The following JAZF1 variants were observed in gnomAD, a reference collection of about 807,000 sequenced individuals.
The protein encoded by JAZF1 is JAZF zinc finger 1.
Under a neutral mutation model 26.4 loss-of-function variants are expected in JAZF1, and 8 were observed. The observed-to-expected ratio is 0.30, with a 90% CI of 0.18 to 0.55. The LOEUF (loss-of-function observed/expected upper bound fraction) is 0.55, where lower values mean the gene tolerates loss of function less well. Ranked by LOEUF, JAZF1 falls within the 20% of genes least tolerant of loss-of-function variation. JAZF1 has a pLI of 0.94. For synonymous variants in JAZF1, 126 were observed against 122.3 expected (o/e 1.03, Z -0.20); for missense variants, 199 against 322.0 (o/e 0.62, Z 2.92).
At chr7:28,166,683 T>C (rs1783373275) in intron 1 of JAZF1, among the ~76,000 whole-genome samples, 1 of 152,244 alleles carries the variant, frequency 6.6e-6, no homozygotes, top group Non-Finnish European at 1.5e-5. Flanking sequence ...AACATGGAAG[T>C]ATTTTTCTAA....
intron 1 of JAZF1, among the ~76,000 whole-genome samples, chr7:28,110,527 AAAAGG>A (rs1217081366): frequency 0.034 from 2,245 of 65,982 alleles, 102 homozygotes; most frequent in South Asian, 0.08. Flanking sequence ...AAGGAAAAGG[AAAAGG>A]AAAGGAAAAG....
intron 1 of JAZF1, among the ~76,000 whole-genome samples, chr7:28,036,117 T>C (rs779229792): frequency 6.6e-6 from 1 of 152,210 alleles, no homozygotes; most frequent in Non-Finnish European, 1.5e-5. Context: ...TTCTTTGTCT[T>C]GATGCACTAA....
chr7:27,869,819 C>G (rs1459692298), intron 3 of JAZF1, among the ~76,000 whole-genome samples: 1 of 152,210 alleles, frequency 6.6e-6, no homozygotes, highest in Non-Finnish European at 1.5e-5. Context: ...GGCTGACTTT[C>G]TGTGCAAAGT....
intron 2 of JAZF1, among the ~76,000 whole-genome samples, chr7:27,900,739 TA>T (rs1390182290): frequency 3.9e-5 from 6 of 152,206 alleles, no homozygotes; most frequent in African/African-American, 1.4e-4. Flanking sequence ...TATATCTCAG[TA>T]AAGAACATTT....
intron 1 of JAZF1, among the ~76,000 whole-genome samples, chr7:28,112,330 C>T (rs1452917334): frequency 6.6e-6 from 1 of 152,188 alleles, no homozygotes; most frequent in Non-Finnish European, 1.5e-5. Flanking sequence ...ATTATTCAAA[C>T]CAGATGCTGA....
chr7:28,128,899 T>A (rs1372368687), intron 1 of JAZF1, among the ~76,000 whole-genome samples: 1 of 152,190 alleles, frequency 6.6e-6, no homozygotes, highest in African/African-American at 2.4e-5. Context: ...CACAAGATGC[T>A]GATTTAGTGA....
At chr7:27,834,029 A>T (rs1782759259) in intron 4 of JAZF1, among the ~76,000 whole-genome samples, 1 of 152,192 alleles carries the variant, frequency 6.6e-6, no homozygotes, top group Non-Finnish European at 1.5e-5. Flanking sequence ...AGATTTTAGG[A>T]GAGTGAGCTG....
intron 3 of JAZF1, among the ~76,000 whole-genome samples, chr7:27,847,006 G>T (rs1277894728): frequency 6.6e-6 from 1 of 151,958 alleles, no homozygotes; most frequent in Non-Finnish European, 1.5e-5. Flanking sequence ...TTTCACTCTT[G>T]TTGCCCAGGC....
rs146641094 is a variant in JAZF1 at position 28,137,813 on chromosome 7, G to A, written c.115+42650C>T. On this transcript the variant is annotated intron_variant, in intron 1 of 4. Transcript: ENST00000283928. Reference sequence around the variant, plus strand: ...AATTCCATTATTAGTGTGAACCAACGTGAGTGGTACTTAGAAGGTATCTGA... The same window carrying A: ...AATTCCATTATTAGTGTGAACCAACATGAGTGGTACTTAGAAGGTATCTGA... Among the ~76,000 whole-genome samples the A allele has an allele frequency of 6.6e-5, 10 of 152,264 alleles. No individual in the cohort carries two copies. The East Asian group carries it at 1.9e-3, about 29-fold the overall frequency.
At chr7:28,169,356 A>G (rs111778557) in intron 1 of JAZF1, among the ~76,000 whole-genome samples, 22 of 152,378 alleles carry the variant, frequency 1.4e-4, no homozygotes, top group Middle Eastern at 3.4e-3. Flanking sequence ...TAAATCACAC[A>G]TCATCAACCA....
At chr7:27,940,087 C>T (rs889186329) in intron 2 of JAZF1, among the ~76,000 whole-genome samples, 34 of 152,162 alleles carry the variant, frequency 2.2e-4, no homozygotes, top group Admixed American at 1.3e-3. Flanking sequence ...AGAAGAAACC[C>T]GGCTCCTGCC....
At position 27,834,242 on chromosome 7, in the gene JAZF1, C is replaced by A. The variant is rs771311416; in HGVS notation, c.556-1266G>T. Reference sequence around the variant, plus strand: ...AAGTCTTTGTGAGTGAATGAAGTTACAACAGCACTTCCCAAGTTCACGCCT... The same window carrying A: ...AAGTCTTTGTGAGTGAATGAAGTTAAAACAGCACTTCCCAAGTTCACGCCT... On this transcript the variant is annotated intron_variant, in intron 4 of 4. Coordinates refer to ENST00000283928, the MANE Select transcript of JAZF1 (RefSeq NM_175061.4). Among the ~76,000 whole-genome samples the A allele has an allele frequency of 7.2e-5, 11 of 152,208 alleles. 1 individual carries two copies. The highest frequency in any genetic ancestry group is 2.6e-4 in the Admixed American group (4 of 15,286).
chr7:27,836,924 A>C (rs1782823859), intron 4 of JAZF1, among the ~76,000 whole-genome samples: 1 of 152,172 alleles, frequency 6.6e-6, no homozygotes, highest in African/African-American at 2.4e-5. Context: ...TTAATATTTG[A>C]GGTATTTCTT....
At position 27,998,057 on chromosome 7, in the gene JAZF1, G is replaced by GGAAGGAAGGAAA. The variant is rs1480306624; in HGVS notation, c.116-6077_116-6076insTTTCCTTCCTTC. On this transcript the variant is annotated intron_variant, in intron 1 of 4. Coordinates refer to ENST00000283928, the MANE Select transcript of JAZF1 (RefSeq NM_175061.4). ...AGGAAGGAAGGAAGGAAGGAAGGAAGGAAGGAAGGAAGGAAGGCAGGCAGG... is the reference window on the plus strand; with the variant it reads ...AGGAAGGAAGGAAGGAAGGAAGGAAGGAAGGAAGGAAAGAAGGAAGGAAGGAAGGCAGGCAGG... Among the ~76,000 whole-genome samples the GGAAGGAAGGAAA allele has an allele frequency of 8.7e-4, 127 of 145,868 alleles. 3 individuals are homozygous for GGAAGGAAGGAAA. In the East Asian group the frequency reaches 0.021, roughly 24 times the overall value.
At chr7:27,944,937 G>A (rs572502374) in intron 2 of JAZF1, among the ~76,000 whole-genome samples, 4 of 152,182 alleles carry the variant, frequency 2.6e-5, no homozygotes, top group South Asian at 2.1e-4. Flanking sequence ...CACCCTTTCC[G>A]GAACGCTGTC....
rs1192994621 is a variant in JAZF1, at chr7:27,831,015, T to C, written c.*1785A>G. 3 of 219,954 alleles carry C rather than the reference T, an allele frequency of 1.4e-5. No homozygotes were observed. Among genetic ancestry groups the C allele is most frequent in the African/African-American group, 6.7e-5 (3 of 44,646 alleles). 13.6% of individuals were successfully genotyped at this position (219,954 alleles called of 1,614,324 possible). ...GGCCTAAAAAATTTTTTTTGGTCAA[T>C]TGTAGGTAGATATGAAATAGCCAAG... On this transcript the variant is annotated 3_prime_UTR_variant, in exon 5 of 5. Coordinates refer to ENST00000283928, the MANE Select transcript of JAZF1 (RefSeq NM_175061.4).
In JAZF1 at chr7:28,041,853, G is replaced by A. The variant is rs377468368; in HGVS notation, c.116-49872C>T. 2.2e-4 allele frequency among the ~76,000 whole-genome samples: 34 copies of A among 152,272 alleles called. 1 individual carries two copies. The South Asian group carries it at 6.8e-3, about 31-fold the overall frequency. ...GACTAAGTTCTCTAAGAAACTGGCA[G>A]GGAGTCATTTCCACAACTGTTTGAC... On this transcript the variant is annotated intron_variant, in intron 1 of 4. Coordinates refer to ENST00000283928, the MANE Select transcript of JAZF1 (RefSeq NM_175061.4).
rs66893816 is a variant in JAZF1 at position 28,110,507 on chromosome 7, A to G, written c.115+69956T>C. 3.0e-3 allele frequency among the ~76,000 whole-genome samples: 287 copies of G among 95,048 alleles called. 3 individuals are homozygous for G. Among genetic ancestry groups the G allele is most frequent in the East Asian group, 0.014 (21 of 1,530 alleles). The allele number at this position is 95,048 out of a possible 152,430, so 62.4% of individuals were successfully genotyped here. A position where few individuals can be genotyped will look rare whatever the true frequency, so the allele number is the denominator to read the frequency against. ...GGAAAGGAAAGGAAAGGAAAGGAAA[A>G]GGAAAGGAAAAGGAAAAGGAAAAGG... is the stretch of plus-strand genomic sequence containing the variant. On this transcript the variant is annotated intron_variant, in intron 1 of 4. Transcript: ENST00000283928.
intron 1 of JAZF1, among the ~76,000 whole-genome samples, chr7:28,033,683 T>TTTCC (rs1330721913): frequency 4.6e-5 from 7 of 152,184 alleles, no homozygotes; most frequent in African/African-American, 1.7e-4. Flanking sequence ...CACCTCTTTC[T>TTTCC]TTCCTGATTT....
Sources: gnomAD v4.1 joint callset for allele counts (sites outside exome capture counted in the v4.1 genomes callset) on GRCh38, gnomAD v4.1.1 for gene constraint, MANE v1.5 for transcripts, NCBI Gene and HGNC (gene_info 2026-07-23, HGNC 2026-07-21) for gene names.